Variants in PPP1R21 observed in about 807,000 individuals in gnomAD.
PPP1R21 encodes KLRAQ motif containing 1.
Under a neutral mutation model 112.8 loss-of-function variants are expected in PPP1R21, and 85 were observed. The ratio of observed to expected loss-of-function variants is 0.75; its 90% confidence interval spans 0.63 to 0.90. The LOEUF (loss-of-function observed/expected upper bound fraction) is 0.90. Ranked by LOEUF, PPP1R21 falls within the 40% of genes least tolerant of loss-of-function variation. The pLI is 0.00. For synonymous variants in PPP1R21, 381 were observed against 322.3 expected (o/e 1.18, Z -1.95); for missense variants, 1,199 against 901.5 (o/e 1.33, Z -4.23).
At chr2:48,499,688 C>A (rs1377686233) in intron 17 of PPP1R21, among the ~76,000 whole-genome samples, 5 of 152,114 alleles carry the variant, frequency 3.3e-5, no homozygotes, top group African/African-American at 9.7e-5. Context: ...CTGTAGAAAC[C>A]CATCAGGTTC....
At chr2:48,441,096 C>G in intron 1 of PPP1R21, 86 bp downstream of exon 1, 1 of 940,180 alleles carries the variant, frequency 1.1e-6, no homozygotes, top group Non-Finnish European at 1.7e-6. Context: ...CCTAGGGGTA[C>G]TGCGGGAGGG....
At chr2:48,469,428 GAGCATATATATATAT>G (rs1309019166) in intron 9 of PPP1R21, among the ~76,000 whole-genome samples, 2,825 of 79,656 alleles carry the variant, frequency 0.035, 360 homozygotes, top group Admixed American at 0.086. Flanking sequence ...TATATATATA[GAGCATATATATATAT>G]AGAGAGAGCA....
intron 2 of PPP1R21, among the ~76,000 whole-genome samples, chr2:48,452,655 T>G (rs1667530012): frequency 6.6e-6 from 1 of 152,014 alleles, no homozygotes; most frequent in Non-Finnish European, 1.5e-5. Flanking sequence ...ATTTCCTGTG[T>G]TACAGGAGGC....
intron 19 of PPP1R21, among the ~76,000 whole-genome samples, chr2:48,508,941 G>T (rs928693054): frequency 2.6e-5 from 4 of 152,080 alleles, no homozygotes; most frequent in African/African-American, 9.7e-5. Flanking sequence ...ACAGGAAGTG[G>T]TGACCTCCCC....
At chr2:48,506,671 C>T (rs1381217202) in intron 18 of PPP1R21, among the ~76,000 whole-genome samples, 8 of 152,020 alleles carry the variant, frequency 5.3e-5, no homozygotes, top group Admixed American at 5.2e-4. Flanking sequence ...GTTGGGTGGG[C>T]GCGGTGGCTC....
chr2:48,482,992 T>G (rs1048440372), intron 13 of PPP1R21, among the ~76,000 whole-genome samples: 7 of 152,098 alleles, frequency 4.6e-5, no homozygotes, highest in Non-Finnish European at 8.8e-5. Flanking sequence ...TGTGTCCATG[T>G]GTTCTCATCA....
At chr2:48,486,003 A>G (rs1669276135) in intron 13 of PPP1R21, among the ~76,000 whole-genome samples, 1 of 148,564 alleles carries the variant, frequency 6.7e-6, no homozygotes, top group South Asian at 2.1e-4. Context: ...TATATATAAT[A>G]TAATTAATAC....
chr2:48,496,266 A>G (rs1393478379), intron 16 of PPP1R21, among the ~76,000 whole-genome samples: 1 of 152,122 alleles, frequency 6.6e-6, no homozygotes, highest in East Asian at 1.9e-4. Flanking sequence ...GGTAACTCCC[A>G]TAGTCCTTGT....
intron 1 of PPP1R21, 143 bp downstream of exon 1, chr2:48,441,153 A>G (rs552747741): frequency 7.5e-6 from 5 of 664,110 alleles, no homozygotes; most frequent in East Asian, 3.1e-5. Flanking sequence ...TCCGTCCACC[A>G]TTACGGTGCC....
At chr2:48,512,453 G>A (rs1480657012) in intron 21 of PPP1R21, among the ~76,000 whole-genome samples, 3 of 147,482 alleles carry the variant, frequency 2.0e-5, no homozygotes, top group Non-Finnish European at 4.4e-5. Context: ...CAGTCTTTGA[G>A]ATCTGCTGCT....
intron 2 of PPP1R21, among the ~76,000 whole-genome samples, chr2:48,451,333 G>T (rs1667460132): frequency 1.3e-5 from 2 of 152,192 alleles, no homozygotes; most frequent in Non-Finnish European, 2.9e-5. Flanking sequence ...TGTGCCTCAA[G>T]GCCTTTACTT....
intron 1 of PPP1R21, among the ~76,000 whole-genome samples, chr2:48,442,413 T>C (rs1366678713): frequency 6.6e-6 from 1 of 152,190 alleles, no homozygotes; most frequent in Admixed American, 6.5e-5. Context: ...TTCCAAAATG[T>C]TTTGAGTAGG....
At chr2:48,458,277 G>C in intron 4 of PPP1R21, 50 bp downstream of exon 4, 2 of 1,250,434 alleles carry the variant, frequency 1.6e-6, no homozygotes, top group Admixed American at 1.7e-5. Flanking sequence ...TCTGTGATCT[G>C]TTAATGTGGA....
intron 17 of PPP1R21, among the ~76,000 whole-genome samples, chr2:48,503,701 A>C: frequency 6.6e-6 from 1 of 152,002 alleles, no homozygotes; most frequent in South Asian, 2.1e-4. Flanking sequence ...TAATCCCAGC[A>C]CTTTGGGAGG....
At chr2:48,500,847 C>A (rs768620308) in intron 17 of PPP1R21, among the ~76,000 whole-genome samples, 1 of 151,896 alleles carries the variant, frequency 6.6e-6, no homozygotes, top group South Asian at 2.1e-4. Flanking sequence ...AGGCGGAGGT[C>A]GCAGTGAGCT....
At chr2:48,442,836 A>G (rs75292869) in intron 1 of PPP1R21, among the ~76,000 whole-genome samples, 3,888 of 152,218 alleles carry the variant, frequency 0.026, 99 homozygotes, top group African/African-American at 0.069. Flanking sequence ...CTATTATGAA[A>G]GGTTGTGGAT....
chr2:48,487,457 A>G (rs546278066), intron 14 of PPP1R21, among the ~76,000 whole-genome samples: 2 of 152,258 alleles, frequency 1.3e-5, no homozygotes, highest in South Asian at 4.1e-4. Context: ...ACTAAAGTGC[A>G]GTTTCTTTAA....
intron 13 of PPP1R21, among the ~76,000 whole-genome samples, chr2:48,486,403 G>A (rs1423729989): frequency 6.6e-6 from 1 of 152,172 alleles, no homozygotes; most frequent in Non-Finnish European, 1.5e-5. Context: ...CTTGGTGGCT[G>A]TAGTAAAGAT....
At chr2:48,494,411 TTTTA>T (rs150607938) in intron 15 of PPP1R21, among the ~76,000 whole-genome samples, 119,534 of 146,778 alleles carry the variant, frequency 0.81, 49,529 homozygotes, top group Middle Eastern at 0.9. Context: ...GCCTATTTTA[TTTTA>T]TTTATTTATT....
Sources: allele counts gnomAD v4.1 joint callset (sites outside exome capture counted in the v4.1 genomes callset), GRCh38; gene constraint gnomAD v4.1.1; transcripts MANE v1.5; gene names NCBI Gene and HGNC (gene_info 2026-07-23, HGNC 2026-07-21).